KDM2B: variants seen among roughly 807,000 people sequenced by gnomAD.
KDM2B encodes lysine demethylase 2B.
KDM2B carries 26 observed loss-of-function variants against 150.0 expected under a neutral mutation model. That is an observed-to-expected ratio of 0.17 (90% CI 0.13 to 0.24). The LOEUF is 0.24. Among genes scored for constraint, KDM2B ranks in the 10% least tolerant of loss-of-function variants. KDM2B has a pLI of 1.00. For missense variants in KDM2B, 1,265 were observed against 1,816.9 expected (o/e 0.70, Z 5.52); for synonymous variants, 734 against 729.5 (o/e 1.01, Z -0.10).
At chr12:121,434,500 CAAAAAAA>C (rs1166374523) in intron 22 of KDM2B, among the ~76,000 whole-genome samples, 2 of 62,284 alleles carry the variant, frequency 3.2e-5, no homozygotes, top group East Asian at 3.8e-4. Flanking sequence ...GACTCTCTAT[CAAAAAAA>C]AAAAAAAAAA....
intron 15 of KDM2B, 77 bp from the exon 16 acceptor site, chr12:121,444,349 G>A (rs782539345): frequency 9.3e-6 from 15 of 1,606,376 alleles, no homozygotes; most frequent in African/African-American, 4.0e-5. Context: ...CCAGGCCGAC[G>A]GCAACCCACC....
In KDM2B at chr12:121,575,755, A is replaced by AG. The variant is rs782318775; in HGVS notation, c.350+25dup. 6.7e-7 allele frequency: 1 copy of AG among 1,498,580 alleles called. No individual in the cohort carries two copies. The highest frequency in any genetic ancestry group is 9.3e-7 in the Non-Finnish European group (1 of 1,074,696). 92.8% of individuals were successfully genotyped at this position (1,498,580 alleles called of 1,614,324 possible). A position where few individuals can be genotyped will look rare whatever the true frequency, so the allele number is the denominator to read the frequency against. The stretch of plus-strand genomic sequence containing the variant: ...GTATGTTAGGGAGGAAGACGGGGGA[A>AG]GGAGTGATTAGTTTCAGCAACTTAC... On this transcript the variant is annotated intron_variant, in intron 3 of 22. Coordinates refer to ENST00000377071, the MANE Select transcript of KDM2B (RefSeq NM_032590.5). The surrounding 1 kb of genome is among the most constrained non-coding windows in gnomAD (Gnocchi z 4.4).
chr12:121,516,409 T>C (rs1555304987), intron 9 of KDM2B: 1 of 1,010,466 alleles, frequency 9.9e-7, no homozygotes, highest in African/African-American at 1.7e-5. Flanking sequence ...TATTTATTTA[T>C]TTATTTTTTT....
chr12:121,446,198 ATCCCGGCTAC>A (rs1566272811), intron 13 of KDM2B, among the ~76,000 whole-genome samples: 1 of 152,158 alleles, frequency 6.6e-6, no homozygotes, highest in African/African-American at 2.4e-5. Flanking sequence ...GATCGAGACC[ATCCCGGCTAC>A]CACGGTGAAA....
At chr12:121,543,201 C>T (rs1198488353) in intron 6 of KDM2B, among the ~76,000 whole-genome samples, 1 of 151,866 alleles carries the variant, frequency 6.6e-6, no homozygotes, top group Admixed American at 6.6e-5. Context: ...ACTAAAAATA[C>T]AAAAATTAGC....
At chr12:121,476,431 G>T (rs369880640) in intron 12 of KDM2B, among the ~76,000 whole-genome samples, 14 of 151,990 alleles carry the variant, frequency 9.2e-5, no homozygotes, top group African/African-American at 3.1e-4. Context: ...ACTCCACCCT[G>T]GGTGACCGAA....
chr12:121,408,487 G>A, the KDM2B span, among the ~76,000 whole-genome samples: 1 of 152,040 alleles, frequency 6.6e-6, no homozygotes, highest in African/African-American at 2.4e-5. Context: ...TAGAAAATGT[G>A]TACAGATTTA....
At chr12:121,471,237 T>A (rs575584232) in intron 12 of KDM2B, among the ~76,000 whole-genome samples, 1 of 151,888 alleles carries the variant, frequency 6.6e-6, no homozygotes, top group East Asian at 1.9e-4. Flanking sequence ...AACTGAATCC[T>A]CCCCCAATTC....
At chr12:121,481,920 G>C (rs1245921776) in intron 12 of KDM2B, among the ~76,000 whole-genome samples, 5 of 151,686 alleles carry the variant, frequency 3.3e-5, no homozygotes, top group African/African-American at 1.2e-4. Context: ...CTGGGATTAC[G>C]GGCACCCGGC....
At chr12:121,457,242 C>T (rs976143443) in intron 12 of KDM2B, among the ~76,000 whole-genome samples, 5 of 152,006 alleles carry the variant, frequency 3.3e-5, no homozygotes, top group South Asian at 4.1e-4. Flanking sequence ...AAGTTTCAAA[C>T]GCCAATTCTT....
downstream of KDM2B, among the ~76,000 whole-genome samples, chr12:121,428,228 C>T (rs185741529): frequency 2.6e-5 from 4 of 151,822 alleles, no homozygotes; most frequent in East Asian, 1.9e-4. Flanking sequence ...TGCGGTCTCG[C>T]GGTCGCCAGG....
chr12:121,535,850 G>A (rs1329687681), intron 6 of KDM2B, among the ~76,000 whole-genome samples: 7 of 152,024 alleles, frequency 4.6e-5, no homozygotes, highest in African/African-American at 1.7e-4. Flanking sequence ...AGGGGGCACA[G>A]AGAAGGCTTC....
chr12:121,534,099 C>T (rs1252477399), intron 7 of KDM2B, among the ~76,000 whole-genome samples: 1 of 152,090 alleles, frequency 6.6e-6, no homozygotes, highest in Non-Finnish European at 1.5e-5. Flanking sequence ...CCTCTAATCC[C>T]AGCACTTTGG....
At chr12:121,432,432 T>A (rs1430220851) in intron 22 of KDM2B, among the ~76,000 whole-genome samples, 2 of 152,202 alleles carry the variant, frequency 1.3e-5, no homozygotes, top group African/African-American at 2.4e-5. Flanking sequence ...TTTCATTATT[T>A]ACTATGACAT....
chr12:121,579,591 A>G, intron 1 of KDM2B: 1 of 1,297,636 alleles, frequency 7.7e-7, no homozygotes, highest in Non-Finnish European at 1.0e-6. Flanking sequence ...CAAAGCTCGG[A>G]TCGGAGACCC....
rs781883836 is a variant in KDM2B at position 121,441,278 on chromosome 12, C to T, written c.3285-45G>A. ...GGACACATCGTCAGAGGTGGGGCTC[C>T]TCTAGGGAGCCCACACACAGCTCTT... On this transcript the variant is annotated intron_variant, in intron 19 of 22. Transcript: ENST00000377071. The T allele has an allele frequency of 6.9e-6, 11 of 1,588,882 alleles. No individual in the cohort carries two copies. The Admixed American group carries it at 1.0e-4, about 15-fold the overall frequency.
intron 8 of KDM2B, among the ~76,000 whole-genome samples, chr12:121,525,846 A>G (rs1555306717): frequency 6.6e-6 from 1 of 152,200 alleles, no homozygotes; most frequent in Non-Finnish European, 1.5e-5. Context: ...CAAGGATGGG[A>G]AATAACTTTA....
At chr12:121,500,530 A>G (rs1170814054) in intron 11 of KDM2B, among the ~76,000 whole-genome samples, 1 of 152,242 alleles carries the variant, frequency 6.6e-6, no homozygotes. Context: ...CTGGGGCTTT[A>G]ATAATCAGAA....
chr12:121,502,820 G>T (rs1323235743), intron 11 of KDM2B, among the ~76,000 whole-genome samples: 2 of 148,244 alleles, frequency 1.3e-5, no homozygotes, highest in Non-Finnish European at 3.0e-5. Context: ...TCGCATGCCT[G>T]TAGTCCCAGC....
Sources: allele counts gnomAD v4.1 joint callset (sites outside exome capture counted in the v4.1 genomes callset), GRCh38; gene constraint gnomAD v4.1.1; non-coding constraint Gnocchi (gnomAD v3.1); transcripts MANE v1.5; gene names NCBI Gene and HGNC (gene_info 2026-07-23, HGNC 2026-07-21).